The following PRKCD variants were observed in gnomAD, a reference collection of about 807,000 sequenced individuals.
The protein encoded by PRKCD is protein kinase C delta.
PRKCD carries 20 observed loss-of-function variants against 82.2 expected under a neutral mutation model. The ratio of observed to expected loss-of-function variants is 0.24; its 90% CI spans 0.17 to 0.35. The LOEUF is 0.35. PRKCD is among the 10% of genes least tolerant of loss of function. The probability of loss-of-function intolerance (pLI) is 1.00; values close to 1 mark genes in which losing one functional copy is unlikely to be tolerated. For synonymous variants in PRKCD, 317 were observed against 337.0 expected (o/e 0.94, Z 0.65); for missense variants, 607 against 899.0 (o/e 0.68, Z 4.15).
chr3:53,161,975 G>T (rs1290992910), intron 1 of PRKCD, among the ~76,000 whole-genome samples: 1 of 150,870 alleles, frequency 6.6e-6, no homozygotes, highest in Non-Finnish European at 1.5e-5. Context: ...CTACCGCGGG[G>T]CCCAGGCCAG....
intron 2 of PRKCD, among the ~76,000 whole-genome samples, chr3:53,174,486 C>T (rs1202039801): frequency 6.6e-6 from 1 of 152,150 alleles, no homozygotes; most frequent in Non-Finnish European, 1.5e-5. Context: ...TGGCCCAGGT[C>T]CTATTTGCAT....
rs1231625043 is a variant in PRKCD at position 53,185,587 on chromosome 3, C to T, written c.889-17C>T. On this transcript the variant is annotated splice_polypyrimidine_tract_variant and intron_variant, in intron 10 of 18. Transcript: ENST00000330452. ...ATGGTCTGACCATCTGGCCCCCCACCTCTGCTCCCTCCCCAGAGAGCCTCC... is the reference window on the plus strand; with the variant it reads ...ATGGTCTGACCATCTGGCCCCCCACTTCTGCTCCCTCCCCAGAGAGCCTCC... The T allele has an allele frequency of 6.2e-7, 1 of 1,609,822 alleles. No homozygotes were observed. The highest frequency in any genetic ancestry group is 1.7e-5 in the Admixed American group (1 of 59,998).
chr3:53,187,708 G>A (rs919152915), intron 15 of PRKCD, among the ~76,000 whole-genome samples: 1 of 151,992 alleles, frequency 6.6e-6, no homozygotes. Context: ...CTGCCAGAAG[G>A]GACTCCTTCC....
chr3:53,183,951 T>C (rs1488453843), intron 9 of PRKCD, among the ~76,000 whole-genome samples: 1 of 139,508 alleles, frequency 7.2e-6, no homozygotes, highest in African/African-American at 2.6e-5. Flanking sequence ...CAGAAGACCC[T>C]GGAGGGAAAG....
intron 2 of PRKCD, among the ~76,000 whole-genome samples, chr3:53,171,888 C>G (rs1295557332): frequency 6.6e-6 from 1 of 152,006 alleles, no homozygotes; most frequent in African/African-American, 2.4e-5. Context: ...GCAGTGAGAG[C>G]CTAGGAGGTT....
At chr3:53,181,809 G>A in intron 7 of PRKCD, 77 bp downstream of exon 7, 1 of 1,596,074 alleles carries the variant, frequency 6.3e-7, no homozygotes, top group Non-Finnish European at 8.6e-7. Context: ...GTGTATGCCA[G>A]TGCCTGTGTG....
At chr3:53,183,419 G>A (rs371438950) in intron 8 of PRKCD, 33 bp from the exon 9 acceptor site, 62 of 1,612,276 alleles carry the variant, frequency 3.8e-5, no homozygotes, top group Middle Eastern at 1.6e-4. Flanking sequence ...GAGCTGGCAC[G>A]TGACCCTCAG....
At chr3:53,183,063 T>C (rs888674973) in intron 7 of PRKCD, 58 bp from the exon 8 acceptor site, 7 of 1,572,284 alleles carry the variant, frequency 4.5e-6, no homozygotes, top group Admixed American at 1.7e-5. Context: ...CACCAGCTCA[T>C]AGACTCTGCC....
intron 4 of PRKCD, among the ~76,000 whole-genome samples, chr3:53,180,837 G>C (rs567393619): frequency 6.6e-6 from 1 of 152,288 alleles, no homozygotes; most frequent in South Asian, 2.1e-4. Flanking sequence ...GTGTCTGTGT[G>C]TCTGTCTCTC....
chr3:53,169,107 A>G lies in PRKCD; in HGVS notation c.-20+3892A>G, dbSNP rs1553664390. Among the ~76,000 whole-genome samples, 1 of 151,884 alleles carries G rather than the reference A, an allele frequency of 6.6e-6. No homozygotes were observed. The highest frequency in any genetic ancestry group is 1.5e-5 in the Non-Finnish European group (1 of 67,962). ...CTGCAGCGGCAGACGGGATGGCCTT[A>G]TTGTGTGGGGAGCAGGGGGAGCTGT... On this transcript the variant is annotated intron_variant, in intron 2 of 18. Transcript: ENST00000330452. The surrounding 1 kb of genome is among the most constrained non-coding windows in gnomAD (Gnocchi z 4.7).
rs1247523463 is a variant in PRKCD at position 53,192,383 on chromosome 3, C to T, written c.*117C>T. 6.2e-6 allele frequency: 8 copies of T among 1,281,138 alleles called. No homozygotes were observed. The highest frequency in any genetic ancestry group is 1.3e-5 in the South Asian group (1 of 74,606). The allele number at this position is 1,281,138 out of a possible 1,614,324, so 79.4% of individuals were successfully genotyped here. A position where few individuals can be genotyped will look rare whatever the true frequency, so the allele number is the denominator to read the frequency against. ...GCTGGCCCCGCCCCTGCCCCCAGAG[C>T]GTCCTTGGCTGCCGTCTGGCCGGGC... is the stretch of plus-strand genomic sequence containing the variant. On this transcript the variant is annotated 3_prime_UTR_variant, in exon 19 of 19. Coordinates refer to ENST00000330452, the MANE Select transcript of PRKCD (RefSeq NM_006254.4).
At chr3:53,178,605 G>C in intron 3 of PRKCD, 68 bp downstream of exon 3, 1 of 1,362,842 alleles carries the variant, frequency 7.3e-7, no homozygotes, top group South Asian at 1.3e-5. Context: ...ACTGGAGGGG[G>C]CCTGGCCTTG....
At position 53,189,206 on chromosome 3, in the gene PRKCD, C is replaced by T; in HGVS notation, c.1703C>T (p.Pro568Leu). The T allele has an allele frequency of 6.2e-7, 1 of 1,612,830 alleles. No individual in the cohort carries two copies. Among genetic ancestry groups the T allele is most frequent in the Non-Finnish European group, 8.5e-7 (1 of 1,179,362 alleles). The change falls in exon 17 of 19, where the codon CCC (proline) becomes CTC (leucine). Residue 568 changes from proline (P) to leucine (L), a missense_variant. Pro to Leu is a moderately conservative substitution (Grantham distance 98). Coordinates refer to ENST00000330452, the MANE Select transcript of PRKCD (RefSeq NM_006254.4). ...ESIRVDTPHY[P>L]RWITKESKDI... ...ATCCGTGTGGACACGCCACATTATCCCCGCTGGATCACCAAGGAGTCCAAG... is the reference window on the plus strand; with the variant it reads ...ATCCGTGTGGACACGCCACATTATCTCCGCTGGATCACCAAGGAGTCCAAG...
At chr3:53,166,324 A>G (rs1313773310) in intron 2 of PRKCD, among the ~76,000 whole-genome samples, 1 of 152,180 alleles carries the variant, frequency 6.6e-6, no homozygotes, top group Non-Finnish European at 1.5e-5. Flanking sequence ...TCTGCCACCT[A>G]AGTTCTGAAG....
chr3:53,176,269 T>C (rs1354442902), intron 2 of PRKCD, among the ~76,000 whole-genome samples: 2 of 150,406 alleles, frequency 1.3e-5, no homozygotes, highest in Non-Finnish European at 2.9e-5. Flanking sequence ...GCAAGGAATG[T>C]GGTGGGGTCT....
chr3:53,186,754 G>A, intron 14 of PRKCD, 59 bp downstream of exon 14: 2 of 611,200 alleles, frequency 3.3e-6, no homozygotes, highest in East Asian at 3.3e-5. Context: ...CTGGCTCAGA[G>A]CCCACTTCCA....
intron 15 of PRKCD, among the ~76,000 whole-genome samples, chr3:53,187,955 G>T (rs1280961243): frequency 2.6e-5 from 4 of 152,150 alleles, no homozygotes; most frequent in African/African-American, 9.7e-5. Flanking sequence ...GGGAGGCCAA[G>T]GTGGGCAGAT....
Position 53,181,258 on chromosome 3 carries a change from G to C in PRKCD, c.367G>C (p.Glu123Gln). 1.2e-6 allele frequency: 2 copies of C among 1,613,896 alleles called. No individual in the cohort carries two copies. The highest frequency in any genetic ancestry group is 8.5e-7 in the Non-Finnish European group (1 of 1,179,884). The change falls in exon 5 of 19, where the codon GAG becomes CAG. Residue 123 changes from glutamate (E) to glutamine (Q), a missense_variant. Glu to Gln is a conservative substitution (Grantham distance 29). Transcript: ENST00000330452. ...KVLMSVQYFL[E>Q]DVDCKQSMRS... is the part of the protein sequence containing the mutation. ...GTTGATGTCTGTTCAGTATTTCCTG[G>C]AGGACGTGGGTAAGAACTCCCTGGG...
rs537254882 is a variant in PRKCD at position 53,161,679 on chromosome 3, C to G, written c.-132+251C>G. The G allele has an allele frequency of 9.2e-5, 14 of 152,132 alleles. No homozygotes were observed. In the East Asian group the frequency reaches 2.7e-3, roughly 30 times the overall value. The allele number at this position is 152,132 out of a possible 1,614,324, so 9.4% of individuals were successfully genotyped here. The stretch of plus-strand genomic sequence containing the variant: ...GGCCCCTCCACCCGCCCGTGTGTCT[C>G]CCGCTCCTCCGAGGGGCCCGTCCGT... On this transcript the variant is annotated intron_variant, in intron 1 of 18. Transcript: ENST00000330452.
Sources: gnomAD v4.1 joint callset for allele counts (sites outside exome capture counted in the v4.1 genomes callset) on GRCh38, gnomAD v4.1.1 for gene constraint, Gnocchi (gnomAD v3.1) non-coding constraint, MANE v1.5 for transcripts, NCBI Gene and HGNC (gene_info 2026-07-23, HGNC 2026-07-21) for gene names.